CIT: variants seen among roughly 807,000 people sequenced by gnomAD.
CIT encodes citron rho-interacting serine/threonine kinase.
In CIT, 79 loss-of-function variants were observed where a neutral mutation model predicts 272.7. That is an observed-to-expected ratio of 0.29 (90% CI 0.24 to 0.35). The LOEUF is 0.35. CIT is among the 10% of genes least tolerant of loss of function. The pLI is 1.00. For synonymous variants in CIT, 948 were observed against 995.6 expected, an observed-to-expected ratio of 0.95 and a Z score of 0.90; for missense variants, 1,909 against 2,618.3, an observed-to-expected ratio of 0.73 and a Z score of 5.91.
intron 47 of CIT, among the ~76,000 whole-genome samples, chr12:119,688,886 C>T (rs1261717988): frequency 6.6e-6 from 1 of 152,124 alleles, no homozygotes. Context: ...GTGGGCTGAG[C>T]GTGGTGACTC....
chr12:119,790,962 G>A (rs1965257160), intron 10 of CIT, among the ~76,000 whole-genome samples: 1 of 152,222 alleles, frequency 6.6e-6, no homozygotes, highest in Non-Finnish European at 1.5e-5. Flanking sequence ...TATTGAGCAC[G>A]TGTCAGGCAC....
At position 119,697,642 on chromosome 12, in the gene CIT, G is replaced by C. The variant is rs1198491597; in HGVS notation, c.5882+17C>G. On this transcript the variant is annotated intron_variant, in intron 46 of 47. Coordinates refer to ENST00000392521, the MANE Select transcript of CIT (RefSeq NM_001206999.2). The surrounding 1 kb of genome is among the most constrained non-coding windows in gnomAD (Gnocchi z 4.9). Reference sequence around the variant, plus strand: ...GCACGTTGCCCCTGGTACTGAGGAAGAGGAGAAGCTGGTTACCTGCGGGAG... The same window carrying C: ...GCACGTTGCCCCTGGTACTGAGGAACAGGAGAAGCTGGTTACCTGCGGGAG... 6.2e-7 allele frequency: 1 copy of C among 1,611,940 alleles called. No homozygotes were observed. Among genetic ancestry groups the C allele is most frequent in the Admixed American group, 1.7e-5 (1 of 59,816 alleles).
At chr12:119,864,589 G>A (rs1290588073) in intron 3 of CIT, among the ~76,000 whole-genome samples, 1 of 152,160 alleles carries the variant, frequency 6.6e-6, no homozygotes. Context: ...GCCCACCTCG[G>A]CCTCCCAGTG....
intron 28 of CIT, among the ~76,000 whole-genome samples, chr12:119,724,147 G>A (rs1392041899): frequency 1.3e-5 from 2 of 151,850 alleles, no homozygotes; most frequent in East Asian, 3.9e-4. Flanking sequence ...AAAAGAGAAG[G>A]CAATTTGGAG....
Position 119,734,522 on chromosome 12 carries a change from A to T in CIT, c.3157-165T>A, listed in dbSNP as rs1958647748. 9.8e-6 allele frequency: 7 copies of T among 714,306 alleles called. No individual in the cohort carries two copies. The South Asian group carries it at 1.2e-4, about 12-fold the overall frequency. The allele number at this position is 714,306 out of a possible 1,614,324, so 44.2% of individuals were successfully genotyped here. A position where few individuals can be genotyped will look rare whatever the true frequency, so the allele number is the denominator to read the frequency against. On this transcript the variant is annotated intron_variant, in intron 25 of 47. Coordinates refer to ENST00000392521, the MANE Select transcript of CIT (RefSeq NM_001206999.2). ...AAGGGGACCAGGCAAGAATGGATGA[A>T]GGGCCAGTTCTGCAGCCACCTTAGA... is the stretch of plus-strand genomic sequence containing the variant.
intron 4 of CIT, 39 bp downstream of exon 4, chr12:119,857,484 T>TA (rs777065437): frequency 1.3e-4 from 213 of 1,607,850 alleles, no homozygotes; most frequent in Non-Finnish European, 1.8e-4. Context: ...AACACTCCGG[T>TA]ACAGAAAGTG....
At chr12:119,875,344 A>C (rs1444579173) in intron 2 of CIT, among the ~76,000 whole-genome samples, 4 of 152,384 alleles carry the variant, frequency 2.6e-5, no homozygotes, top group African/African-American at 9.6e-5. Flanking sequence ...ACTTTAGTAC[A>C]GAAGTGTAAA....
chr12:119,872,724 C>T (rs746997652), intron 2 of CIT, among the ~76,000 whole-genome samples: 1 of 152,180 alleles, frequency 6.6e-6, no homozygotes, highest in Non-Finnish European at 1.5e-5. Context: ...TTGGCCTCAT[C>T]TGCAAAACCC....
chr12:119,876,345 A>C (rs1950844846), intron 1 of CIT, among the ~76,000 whole-genome samples, 164 bp from the exon 2 acceptor site: 1 of 152,180 alleles, frequency 6.6e-6, no homozygotes, highest in Non-Finnish European at 1.5e-5. Flanking sequence ...ACCAGATTTT[A>C]ACTCACTGTG....
At chr12:119,756,867 G>A (rs1216160966) in intron 22 of CIT, among the ~76,000 whole-genome samples, 4 of 152,088 alleles carry the variant, frequency 2.6e-5, no homozygotes, top group South Asian at 2.1e-4. Context: ...GGTGGCTCAC[G>A]CCTGTAACCC....
intron 19 of CIT, among the ~76,000 whole-genome samples, chr12:119,764,716 C>T (rs1962209632): frequency 6.6e-6 from 1 of 151,704 alleles, no homozygotes; most frequent in Non-Finnish European, 1.5e-5. Context: ...GAAGAAACTA[C>T]CCAAAATGTA....
chr12:119,873,007 A>G (rs1950729791), intron 2 of CIT, among the ~76,000 whole-genome samples: 1 of 152,056 alleles, frequency 6.6e-6, no homozygotes, highest in South Asian at 2.1e-4. Flanking sequence ...CATTTTGCCC[A>G]GGCTAGTCTT....
Position 119,857,575 on chromosome 12 carries a change from T to C in CIT, c.362A>G (p.Asp121Gly). The change falls in exon 4 of 48, where the codon GAC becomes GGC. Residue 121 changes from aspartate (D) to glycine (G), a missense_variant. By Grantham distance (94) the Asp-to-Gly change is moderately conservative. Coordinates refer to ENST00000392521, the MANE Select transcript of CIT (RefSeq NM_001206999.2). ...CTTCATCACTTTCATAGCATAGATG[T>C]CCCCGGTTGCTTTCTCTCTTACCAC... ...VQVVREKATG[D>G]IYAMKVMKKK... The C allele has an allele frequency of 6.2e-7, 1 of 1,614,180 alleles. No homozygotes were observed.
intron 3 of CIT, among the ~76,000 whole-genome samples, chr12:119,864,011 T>A (rs1167759533): frequency 6.6e-6 from 1 of 152,098 alleles, no homozygotes; most frequent in Non-Finnish European, 1.5e-5. Flanking sequence ...AGCAATGAAT[T>A]TCTATTGTTT....
intron 28 of CIT, among the ~76,000 whole-genome samples, chr12:119,727,653 G>A (rs547200767): frequency 2.0e-4 from 31 of 152,116 alleles, no homozygotes; most frequent in Non-Finnish European, 3.4e-4. Context: ...GGCAGGGCAC[G>A]GGGACTCATG....
intron 26 of CIT, among the ~76,000 whole-genome samples, chr12:119,732,420 G>T (rs1209229963): frequency 6.6e-6 from 1 of 151,800 alleles, no homozygotes; most frequent in East Asian, 1.9e-4. Flanking sequence ...ATAGGAGCTG[G>T]ACTTGAGGGT....
rs1962755613 is a variant in CIT at position 119,768,772 on chromosome 12, G to A, written c.2209-1590C>T. Among the ~76,000 whole-genome samples, 1 of 152,188 alleles carries A rather than the reference G, an allele frequency of 6.6e-6. No homozygotes were observed. Among genetic ancestry groups the A allele is most frequent in the Non-Finnish European group, 1.5e-5 (1 of 68,036 alleles). On this transcript the variant is annotated intron_variant, in intron 18 of 47. Coordinates refer to ENST00000392521, the MANE Select transcript of CIT (RefSeq NM_001206999.2). This position sits in a 1 kb window ranked among gnomAD's most constrained non-coding sequence, Gnocchi z 4.3. The stretch of plus-strand genomic sequence containing the variant: ...AGTAACTTCTTTTACTAAGGCCAAG[G>A]ACTCTACTGTACTGACTGTACCATT...
At chr12:119,836,683 T>C (rs1163538312) in intron 5 of CIT, among the ~76,000 whole-genome samples, 2 of 152,196 alleles carry the variant, frequency 1.3e-5, no homozygotes, top group Admixed American at 6.5e-5. Context: ...AAATTTCCTA[T>C]GGCTGTATTA....
At chr12:119,815,087 C>CCACACACACACACACACAACACACACA (rs1249017665) in intron 9 of CIT, among the ~76,000 whole-genome samples, 2 of 103,038 alleles carry the variant, frequency 1.9e-5, no homozygotes, top group Non-Finnish European at 3.8e-5. Context: ...TGCTCACATA[C>CCACACACACACACACACAACACACACA]CACACACACA....
Sources: allele counts gnomAD v4.1 joint callset (sites outside exome capture counted in the v4.1 genomes callset), GRCh38; gene constraint gnomAD v4.1.1; non-coding constraint Gnocchi (gnomAD v3.1); transcripts MANE v1.5; gene names NCBI Gene and HGNC (gene_info 2026-07-23, HGNC 2026-07-21).